MYO1E: variants seen among roughly 807,000 people sequenced by gnomAD.
MYO1E encodes the protein unconventional myosin-Ie.
A neutral mutation model predicts 151.1 loss-of-function variants in MYO1E; 68 were observed. The ratio of observed to expected loss-of-function variants is 0.45; its 90% confidence interval spans 0.37 to 0.55. The LOEUF (loss-of-function observed/expected upper bound fraction) is 0.55. Ranked by LOEUF, MYO1E falls within the 20% of genes least tolerant of loss-of-function variation. The pLI, the probability that MYO1E is intolerant of heterozygous loss-of-function variation, is 0.00. For synonymous variants in MYO1E, 601 were observed against 501.7 expected, an observed-to-expected ratio of 1.20 and a Z score of -2.64; for missense variants, 1,363 against 1,389.3, an observed-to-expected ratio of 0.98 and a Z score of 0.30.
At chr15:59,358,853 A>C (rs1312474274) in intron 1 of MYO1E, among the ~76,000 whole-genome samples, 4 of 152,134 alleles carry the variant, frequency 2.6e-5, no homozygotes, top group Non-Finnish European at 5.9e-5. Context: ...TACGACCATA[A>C]TTCCTGAACT....
intron 4 of MYO1E, among the ~76,000 whole-genome samples, chr15:59,247,890 G>C (rs2080139667): frequency 6.6e-6 from 1 of 152,146 alleles, no homozygotes; most frequent in Admixed American, 6.5e-5. Context: ...GGGAGGCTGA[G>C]GCAGGCAGAT....
Position 59,304,443 on chromosome 15 carries a change from G to A in MYO1E, c.4-31994C>T, listed in dbSNP as rs550564180. 4.6e-5 allele frequency among the ~76,000 whole-genome samples: 7 copies of A among 152,308 alleles called. No homozygotes were observed. In the South Asian group the frequency reaches 1.2e-3, roughly 27 times the overall value. On this transcript the variant is annotated intron_variant, in intron 1 of 27. Transcript: ENST00000288235. Reference sequence around the variant, plus strand: ...TGGTAACCTTGGATTAACTGGAGCTGAAATATGTGCTAGAATTTCCCTTTA... The same window carrying A: ...TGGTAACCTTGGATTAACTGGAGCTAAAATATGTGCTAGAATTTCCCTTTA...
At chr15:59,333,820 T>A (rs868077265) in intron 1 of MYO1E, among the ~76,000 whole-genome samples, 42 of 152,234 alleles carry the variant, frequency 2.8e-4, no homozygotes, top group African/African-American at 9.7e-4. Flanking sequence ...GCTTCCACTA[T>A]GCATCTAAGT....
At chr15:59,372,440 G>T in intron 1 of MYO1E, 58 bp downstream of exon 1, 1 of 1,535,578 alleles carries the variant, frequency 6.5e-7, no homozygotes. Context: ...GCACCACGCC[G>T]GGGTTTCCTG....
chr15:59,348,947 T>C (rs2080809051), intron 1 of MYO1E: 1 of 152,190 alleles, frequency 6.6e-6, no homozygotes, highest in South Asian at 2.1e-4. Context: ...AATATCTTAA[T>C]GAGACACAAA....
At chr15:59,271,291 T>A (rs2080287678) in intron 2 of MYO1E, 1 of 152,256 alleles carries the variant, frequency 6.6e-6, no homozygotes, top group African/African-American at 2.4e-5. Flanking sequence ...GTGAAAACTA[T>A]TCTTCCCCAA....
chr15:59,172,557 G>C (rs1034927199), intron 21 of MYO1E, among the ~76,000 whole-genome samples: 5 of 152,176 alleles, frequency 3.3e-5, no homozygotes, highest in African/African-American at 1.2e-4. Flanking sequence ...AAAAAATGAT[G>C]ACATTTGACT....
chr15:59,149,299 A>T (rs2079462527), intron 26 of MYO1E, among the ~76,000 whole-genome samples: 1 of 151,876 alleles, frequency 6.6e-6, no homozygotes, highest in African/African-American at 2.4e-5. Context: ...CTCGTGATCC[A>T]CCCACCTCGG....
At position 59,139,354 on chromosome 15, in the gene MYO1E, CACTT is replaced by C. The variant is rs139252718; in HGVS notation, c.3081-991_3081-988del. Among the ~76,000 whole-genome samples, 1,326 of 133,642 alleles carry C rather than the reference CACTT, an allele frequency of 9.9e-3. 33 individuals are homozygous for C. The highest frequency in any genetic ancestry group is 0.035 in the African/African-American group (1,200 of 34,292). 87.7% of individuals were successfully genotyped at this position (133,642 alleles called of 152,430 possible). On this transcript the variant is annotated intron_variant, in intron 26 of 27. Coordinates refer to ENST00000288235, the MANE Select transcript of MYO1E (RefSeq NM_004998.4). ...CCCAACCCCTCATTATTACTCCTCACACTTACCTCCCACCGCTCATTGTTACTCA... is the reference window on the plus strand; with the variant it reads ...CCCAACCCCTCATTATTACTCCTCACACCTCCCACCGCTCATTGTTACTCA...
At chr15:59,223,026 C>G (rs2079965648) in intron 9 of MYO1E, 33 bp downstream of exon 9, 1 of 1,613,188 alleles carries the variant, frequency 6.2e-7, no homozygotes, top group African/African-American at 1.3e-5. Flanking sequence ...CTAGCCACCC[C>G]TCATTCAATG....
intron 1 of MYO1E, 132 bp downstream of exon 1, chr15:59,372,366 C>T (rs960162079): frequency 1.8e-6 from 2 of 1,121,676 alleles, no homozygotes; most frequent in African/African-American, 1.6e-5. Flanking sequence ...TCAGAGCTCG[C>T]GACGTGCCGG....
chr15:59,206,528 G>C (rs1199184945), intron 14 of MYO1E, among the ~76,000 whole-genome samples: 1 of 152,230 alleles, frequency 6.6e-6, no homozygotes, highest in Non-Finnish European at 1.5e-5. Context: ...GCAAAGCATA[G>C]AGCCCTATCC....
intron 18 of MYO1E, among the ~76,000 whole-genome samples, chr15:59,185,322 C>A (rs2079689169): frequency 6.6e-6 from 1 of 152,086 alleles, no homozygotes; most frequent in Non-Finnish European, 1.5e-5. Context: ...GGCTGGAGTG[C>A]AATGGCGCCA....
At chr15:59,173,945 G>T in intron 20 of MYO1E, 30 bp from the exon 21 acceptor site, 1 of 1,610,592 alleles carries the variant, frequency 6.2e-7, no homozygotes, top group Non-Finnish European at 8.5e-7. Flanking sequence ...CAAGATGGAA[G>T]AAGGATAAGT....
intron 9 of MYO1E, among the ~76,000 whole-genome samples, chr15:59,218,744 G>C (rs1366061574): frequency 6.6e-6 from 1 of 152,216 alleles, no homozygotes. Context: ...AATTAGAACA[G>C]GAAGATATTA....
intron 26 of MYO1E, among the ~76,000 whole-genome samples, chr15:59,144,331 T>C (rs1297610289): frequency 6.6e-6 from 1 of 151,918 alleles, no homozygotes; most frequent in Non-Finnish European, 1.5e-5. Flanking sequence ...CACACCCAGC[T>C]AATTTTTGTA....
intron 1 of MYO1E, among the ~76,000 whole-genome samples, chr15:59,316,550 CT>C (rs1199504235): frequency 6.6e-6 from 1 of 152,224 alleles, no homozygotes; most frequent in African/African-American, 2.4e-5. Context: ...AGAAAGAATT[CT>C]GATATTAAGA....
At chr15:59,321,409 T>C (rs2080625148) in intron 1 of MYO1E, among the ~76,000 whole-genome samples, 2 of 152,162 alleles carry the variant, frequency 1.3e-5, no homozygotes, top group African/African-American at 2.4e-5. Context: ...CTATTCACAA[T>C]AGCAAAGACA....
chr15:59,280,583 T>C lies in MYO1E; in HGVS notation c.4-8134A>G, dbSNP rs944335729. ...GTTGCAGTGAGCTGAGATCGCGCCA[T>C]TGCACTCCAGCCTGGGCAACAAGAG... On this transcript the variant is annotated intron_variant, in intron 1 of 27. Coordinates refer to ENST00000288235, the MANE Select transcript of MYO1E (RefSeq NM_004998.4). Among the ~76,000 whole-genome samples the C allele has an allele frequency of 8.0e-5, 12 of 149,808 alleles. No individual in the cohort carries two copies. The South Asian group carries it at 1.3e-3, about 16-fold the overall frequency.
Sources: gnomAD v4.1 joint callset for allele counts (sites outside exome capture counted in the v4.1 genomes callset) on GRCh38, gnomAD v4.1.1 for gene constraint, MANE v1.5 for transcripts, NCBI Gene and HGNC (gene_info 2026-07-23, HGNC 2026-07-21) for gene names.